THADA: variants seen among roughly 807,000 people sequenced by gnomAD.
THADA encodes tRNA (32-2'-O)-methyltransferase regulator THADA.
A neutral mutation model predicts 219.8 loss-of-function variants in THADA; 213 were observed. The observed-to-expected ratio is 0.97, with a 90% CI of 0.87 to 1.09. THADA has a LOEUF of 1.09. Ranked by LOEUF, THADA falls within the 50% of genes least tolerant of loss-of-function variation. The probability of loss-of-function intolerance (pLI) is 0.00; values close to 1 mark genes in which losing one functional copy is unlikely to be tolerated. For synonymous variants in THADA, 1,018 were observed against 828.9 expected, an observed-to-expected ratio of 1.23 and a Z score of -3.92; for missense variants, 2,956 against 2,311.3, an observed-to-expected ratio of 1.28 and a Z score of -5.72.
chr2:43,515,270 A>ATATATT (rs1558892495), intron 22 of THADA, among the ~76,000 whole-genome samples: 2 of 20,500 alleles, frequency 9.8e-5, no homozygotes, highest in African/African-American at 3.4e-4. Flanking sequence ...TATAATATAT[A>ATATATT]ATATATAATA....
intron 31 of THADA, among the ~76,000 whole-genome samples, chr2:43,297,399 G>T (rs1675579784): frequency 9.8e-6 from 1 of 101,558 alleles, no homozygotes; most frequent in Admixed American, 8.2e-5. Flanking sequence ...CCCCATCTGG[G>T]AAGTGAGGAG....
intron 22 of THADA, among the ~76,000 whole-genome samples, chr2:43,526,888 G>C (rs1461435130): frequency 1.3e-5 from 2 of 151,976 alleles, no homozygotes; most frequent in African/African-American, 4.8e-5. Context: ...TAACTGATTT[G>C]ATAGGAGTGG....
chr2:43,425,975 T>C (rs1198281325), intron 28 of THADA, among the ~76,000 whole-genome samples: 1 of 152,202 alleles, frequency 6.6e-6, no homozygotes, highest in Non-Finnish European at 1.5e-5. Flanking sequence ...TGATGTTCTA[T>C]GAATCTACTT....
rs372626788 is a variant in THADA, at chr2:43,292,083, C to A, written c.4937+21G>T. ...GACCATACATCTTACCAAGGTTGCA[C>A]AGGAGGTTTTGGGGGCAAACCTTTC... is the stretch of plus-strand genomic sequence containing the variant. On this transcript the variant is annotated intron_variant, in intron 33 of 37. Transcript: ENST00000405975. 1.4e-4 allele frequency: 207 copies of A among 1,524,998 alleles called. No homozygotes were observed. In the African/African-American group the frequency reaches 2.5e-3, roughly 19 times the overall value. The allele number at this position is 1,524,998 out of a possible 1,614,324, so 94.5% of individuals were successfully genotyped here.
Position 43,586,728 on chromosome 2 carries a change from G to C in THADA, c.458C>G (p.Ala153Gly), listed in dbSNP as rs760802119. 3 of 1,612,238 alleles carry C rather than the reference G, an allele frequency of 1.9e-6. No homozygotes were observed. The highest frequency in any genetic ancestry group is 1.7e-6 in the Non-Finnish European group (2 of 1,179,482). The stretch of plus-strand genomic sequence containing the variant: ...ATTTTTAAGCAGATTATTAACACTT[G>C]CTCTACCTGTAGAGGAAAAAATGAA... Reference protein sequence around the residue: ...SCMENFNLGRASVNNLLKNVL... With the variant: ...SCMENFNLGRGSVNNLLKNVL... Residue 153 changes from alanine (A) to glycine (G), a missense_variant, in exon 6 of 38, where the codon GCA (alanine) becomes GGA (glycine). Coordinates refer to ENST00000405975, the MANE Select transcript of THADA (RefSeq NM_022065.5).
intron 21 of THADA, among the ~76,000 whole-genome samples, chr2:43,535,678 A>G (rs2103780542): frequency 7.7e-6 from 1 of 129,482 alleles, no homozygotes. Flanking sequence ...CGAGACTCAA[A>G]AAAAAAAAAA....
intron 26 of THADA, among the ~76,000 whole-genome samples, chr2:43,451,650 A>G (rs1326249022): frequency 6.6e-6 from 1 of 152,150 alleles, no homozygotes; most frequent in Non-Finnish European, 1.5e-5. Flanking sequence ...TTTTTCAGCC[A>G]TAGGGGTTCC....
intron 22 of THADA, among the ~76,000 whole-genome samples, chr2:43,522,408 T>C (rs1406220088): frequency 2.0e-5 from 3 of 152,090 alleles, no homozygotes; most frequent in African/African-American, 2.4e-5. Context: ...CAAATCTAAA[T>C]TGAATTACCA....
chr2:43,496,898 C>T (rs1195919357), intron 25 of THADA, among the ~76,000 whole-genome samples: 7 of 152,124 alleles, frequency 4.6e-5, no homozygotes, highest in Admixed American at 2.0e-4. Context: ...ACAACCTAAA[C>T]GTCCATCAAC....
chr2:43,365,224 CT>C (rs1182764541), intron 29 of THADA, among the ~76,000 whole-genome samples: 1 of 152,018 alleles, frequency 6.6e-6, no homozygotes, highest in East Asian at 1.9e-4. Context: ...TGCGCCTGGC[CT>C]CATCTGTGTT....
intron 29 of THADA, among the ~76,000 whole-genome samples, chr2:43,385,637 G>T (rs1389725818): frequency 6.7e-6 from 1 of 148,212 alleles, no homozygotes; most frequent in Non-Finnish European, 1.5e-5. Flanking sequence ...AAAAGAAGAA[G>T]GGGCAAGCAT....
In THADA at chr2:43,279,843, C is replaced by G; in HGVS notation, c.5218G>C (p.Glu1740Gln). ...WKCVLTLLQS[E>Q]EQAVRDAATE... ...GCTGCATCTCTAACAGCTTGCTCCTCACTCTGCAGAAGGGTAAGGACACAC... is the reference window on the plus strand; with the variant it reads ...GCTGCATCTCTAACAGCTTGCTCCTGACTCTGCAGAAGGGTAAGGACACAC... Residue 1740 changes from glutamate to glutamine, a missense_variant, in exon 36 of 38, where the codon GAG becomes CAG. By Grantham distance (29) the Glu-to-Gln change is conservative. Coordinates refer to ENST00000405975, the MANE Select transcript of THADA (RefSeq NM_022065.5). 1 of 1,568,238 alleles carries G rather than the reference C, an allele frequency of 6.4e-7. No homozygotes were observed. The highest frequency in any genetic ancestry group is 1.2e-5 in the South Asian group (1 of 84,084).
chr2:43,382,229 C>T (rs974056057), intron 29 of THADA, among the ~76,000 whole-genome samples: 8 of 152,110 alleles, frequency 5.3e-5, no homozygotes, highest in Admixed American at 3.3e-4. Flanking sequence ...CTGAATAAAA[C>T]GTGTGGCGTT....
chr2:43,365,597 A>G (rs995568807), intron 29 of THADA, among the ~76,000 whole-genome samples: 2 of 151,068 alleles, frequency 1.3e-5, no homozygotes, highest in Non-Finnish European at 2.9e-5. Context: ...ACACACACAC[A>G]CGCACAAAAT....
chr2:43,331,892 A>T (rs1035304343), intron 30 of THADA, among the ~76,000 whole-genome samples: 2 of 146,214 alleles, frequency 1.4e-5, no homozygotes, highest in African/African-American at 2.6e-5. Context: ...AACTCTGACA[A>T]CAAAGACTCC....
Position 43,398,071 on chromosome 2 carries a change from A to G in THADA, c.4127T>C (p.Ile1376Thr), listed in dbSNP as rs1674308369. The stretch of plus-strand genomic sequence containing the variant: ...TCGAATGGTATTAGGAATGTGATCT[A>G]TCATAACAAATGGGACCAAGGCACG... ...AARALVPFVM[I>T]DHIPNTIRTL... The change falls in exon 29 of 38, where the codon ATA (isoleucine) becomes ACA (threonine). Residue 1376 changes from isoleucine (I) to threonine (T), a missense_variant. Coordinates refer to ENST00000405975, the MANE Select transcript of THADA (RefSeq NM_022065.5). 6.2e-7 allele frequency: 1 copy of G among 1,614,038 alleles called. No individual in the cohort carries two copies. The highest frequency in any genetic ancestry group is 8.5e-7 in the Non-Finnish European group (1 of 1,179,868).
At chr2:43,475,710 C>A (rs1463978627) in intron 26 of THADA, among the ~76,000 whole-genome samples, 1 of 152,168 alleles carries the variant, frequency 6.6e-6, no homozygotes, top group Non-Finnish European at 1.5e-5. Context: ...TGTGTAAAGA[C>A]ACACACTTTG....
At position 43,485,690 on chromosome 2, in the gene THADA, T is replaced by C. The variant is rs145771481; in HGVS notation, c.3745-365A>G. 7.2e-3 allele frequency among the ~76,000 whole-genome samples: 1,090 copies of C among 152,236 alleles called. 10 individuals carry two copies. Among genetic ancestry groups the C allele is most frequent in the African/African-American group, 0.025 (1,038 of 41,524 alleles). ...TGCAGTAAAACCTCAGCTCTTTCCATTTATTTTCTGAAATCATTTTACCTA... is the reference window on the plus strand; with the variant it reads ...TGCAGTAAAACCTCAGCTCTTTCCACTTATTTTCTGAAATCATTTTACCTA... On this transcript the variant is annotated intron_variant, in intron 25 of 37. Transcript: ENST00000405975.
chr2:43,400,023 A>G (rs1177003446), intron 28 of THADA, among the ~76,000 whole-genome samples: 2 of 152,198 alleles, frequency 1.3e-5, no homozygotes, highest in South Asian at 4.1e-4. Context: ...TTTGTGTTAC[A>G]CTGTGTTTTA....
Sources: gnomAD v4.1 joint callset for allele counts (sites outside exome capture counted in the v4.1 genomes callset) on GRCh38, gnomAD v4.1.1 for gene constraint, MANE v1.5 for transcripts, NCBI Gene and HGNC (gene_info 2026-07-23, HGNC 2026-07-21) for gene names.